The following BCAS3 variants were observed in gnomAD, a reference collection of about 807,000 sequenced individuals.
BCAS3 encodes the protein BCAS3 microtubule associated cell migration factor.
A neutral mutation model predicts 116.1 loss-of-function variants in BCAS3; 53 were observed. That is an observed-to-expected ratio of 0.46 (90% confidence interval 0.37 to 0.57). The LOEUF is 0.57. Ranked by LOEUF, BCAS3 falls within the 20% of genes least tolerant of loss-of-function variation. The pLI, the probability that BCAS3 is intolerant of heterozygous loss-of-function variation, is 0.00. For synonymous variants in BCAS3, 391 were observed against 408.2 expected (o/e 0.96, Z 0.51); for missense variants, 917 against 1,165.4 (o/e 0.79, Z 3.10).
At chr17:61,157,898 A>G (rs1306234094) in intron 22 of BCAS3, among the ~76,000 whole-genome samples, 1 of 152,188 alleles carries the variant, frequency 6.6e-6, no homozygotes, top group African/African-American at 2.4e-5. Flanking sequence ...TTTCTGTTTT[A>G]GATTGCAGCT....
chr17:61,307,457 G>A lies in BCAS3; in HGVS notation c.2426-60870G>A, dbSNP rs750109410. 1.8e-4 allele frequency among the ~76,000 whole-genome samples: 28 copies of A among 152,148 alleles called. No homozygotes were observed. The highest frequency in any genetic ancestry group is 3.1e-4 in the Non-Finnish European group (21 of 68,030). On this transcript the variant is annotated intron_variant, in intron 22 of 23. Coordinates refer to ENST00000407086, the MANE Select transcript of BCAS3 (RefSeq NM_017679.5). This position sits in a 1 kb window ranked among gnomAD's most constrained non-coding sequence, Gnocchi z 4.7. ...CCATTGCATTTACTACAGTTACAACGATAATAAATGTTGAATTAACTTTCA... is the reference window on the plus strand; with the variant it reads ...CCATTGCATTTACTACAGTTACAACAATAATAAATGTTGAATTAACTTTCA...
chr17:60,709,586 G>A (rs1169477369), intron 5 of BCAS3: 2 of 315,148 alleles, frequency 6.3e-6, no homozygotes, highest in Non-Finnish European at 1.2e-5. Flanking sequence ...GATGGGTTTT[G>A]CCATGTTGGC....
At chr17:61,050,607 A>C (rs1172846496) in intron 19 of BCAS3, among the ~76,000 whole-genome samples, 2 of 152,046 alleles carry the variant, frequency 1.3e-5, no homozygotes, top group East Asian at 3.8e-4. Flanking sequence ...CTAATATTCC[A>C]ACAAAGGAAA....
intron 5 of BCAS3, among the ~76,000 whole-genome samples, chr17:60,731,962 A>C (rs1467901363): frequency 1.3e-5 from 2 of 151,842 alleles, no homozygotes; most frequent in Non-Finnish European, 1.5e-5. Context: ...TTTAGTAGAG[A>C]TGGGGTTTCG....
intron 22 of BCAS3, among the ~76,000 whole-genome samples, chr17:61,102,719 T>C (rs528793894): frequency 5.3e-5 from 8 of 152,248 alleles, no homozygotes; most frequent in African/African-American, 1.9e-4. Flanking sequence ...TACATGACCT[T>C]GAGTTTCTTT....
rs1188929124 is a variant in BCAS3, at chr17:61,347,080, C to A, written c.2426-21247C>A. 6.6e-6 allele frequency among the ~76,000 whole-genome samples: 1 copy of A among 152,096 alleles called. No individual in the cohort carries two copies. Among genetic ancestry groups the A allele is most frequent in the Non-Finnish European group, 1.5e-5 (1 of 68,022 alleles). On this transcript the variant is annotated intron_variant, in intron 22 of 23. Coordinates refer to ENST00000407086, the MANE Select transcript of BCAS3 (RefSeq NM_017679.5). This position sits in a 1 kb window ranked among gnomAD's most constrained non-coding sequence, Gnocchi z 4.3. The stretch of plus-strand genomic sequence containing the variant: ...TCTAAATATTGGATTTTTGTTTTAA[C>A]AAATTTTTTTTTAAGGCAGAGTCTT...
At chr17:60,679,185 A>G (rs1237131157) in intron 1 of BCAS3, among the ~76,000 whole-genome samples, 1 of 152,244 alleles carries the variant, frequency 6.6e-6, no homozygotes, top group Non-Finnish European at 1.5e-5. Context: ...AGATCGTGCC[A>G]CTGAACTCCA....
At chr17:60,901,988 A>G (rs937970623) in intron 10 of BCAS3, among the ~76,000 whole-genome samples, 4 of 152,232 alleles carry the variant, frequency 2.6e-5, no homozygotes, top group Non-Finnish European at 5.9e-5. Context: ...ATATCAAAGT[A>G]GTGATTCATT....
At chr17:60,786,453 T>C (rs1335265751) in intron 6 of BCAS3, among the ~76,000 whole-genome samples, 6 of 151,644 alleles carry the variant, frequency 4.0e-5, no homozygotes, top group Non-Finnish European at 8.8e-5. Context: ...GCCTGGGAGG[T>C]TGAGGCTACA....
chr17:61,174,399 T>C (rs1193669537), intron 22 of BCAS3, among the ~76,000 whole-genome samples: 1 of 152,236 alleles, frequency 6.6e-6, no homozygotes, highest in East Asian at 1.9e-4. Flanking sequence ...CTGCACATAA[T>C]TGAGATCATA....
chr17:60,779,507 T>C (rs1397671284), intron 6 of BCAS3, among the ~76,000 whole-genome samples: 1 of 150,538 alleles, frequency 6.6e-6, no homozygotes, highest in Non-Finnish European at 1.5e-5. Context: ...GTAGCTGGGA[T>C]TACAGGCATG....
At chr17:60,807,515 C>T (rs1045034463) in intron 6 of BCAS3, among the ~76,000 whole-genome samples, 9 of 152,146 alleles carry the variant, frequency 5.9e-5, no homozygotes, top group Non-Finnish European at 1.3e-4. Context: ...GCCATTGTGG[C>T]TCTCGCCTGT....
intron 6 of BCAS3, among the ~76,000 whole-genome samples, chr17:60,760,887 G>A (rs1382361259): frequency 1.3e-5 from 2 of 151,946 alleles, no homozygotes; most frequent in Non-Finnish European, 2.9e-5. Context: ...TGCCACAAAG[G>A]CTTTGCTCAT....
At chr17:60,968,182 G>GTT (rs2061759578) in intron 14 of BCAS3, among the ~76,000 whole-genome samples, 1 of 151,710 alleles carries the variant, frequency 6.6e-6, no homozygotes, top group African/African-American at 2.4e-5. Context: ...TGTCTACCTT[G>GTT]TTTTGATTTT....
At chr17:61,057,091 C>A (rs2069459564) in intron 19 of BCAS3, among the ~76,000 whole-genome samples, 1 of 152,102 alleles carries the variant, frequency 6.6e-6, no homozygotes, top group Non-Finnish European at 1.5e-5. Flanking sequence ...AAAATGTCTT[C>A]TTTATGGTAG....
chr17:61,001,634 AG>A (rs2064245185), intron 15 of BCAS3, among the ~76,000 whole-genome samples: 1 of 152,186 alleles, frequency 6.6e-6, no homozygotes, highest in Admixed American at 6.5e-5. Flanking sequence ...GTATATAAAT[AG>A]TATAAACATG....
At chr17:61,299,442 C>CAAAAAAA (rs538072648) in intron 22 of BCAS3, among the ~76,000 whole-genome samples, 2 of 57,158 alleles carry the variant, frequency 3.5e-5, no homozygotes, top group African/African-American at 6.0e-5. Flanking sequence ...GACTCCATCT[C>CAAAAAAA]AAAAAAAAAA....
Position 60,777,202 on chromosome 17 carries a change from CT to C in BCAS3, c.403+29926del, listed in dbSNP as rs1423401056. On this transcript the variant is annotated intron_variant, in intron 6 of 23. Transcript: ENST00000407086. ...AAAATGGCTGCAGAACTCTTGGTGT[CT>C]TTCCCATCACCACCTTATTCTCTTC... Among the ~76,000 whole-genome samples, 3 of 152,234 alleles carry C rather than the reference CT, an allele frequency of 2.0e-5. No homozygotes were observed. In the East Asian group the frequency reaches 5.8e-4, roughly 29 times the overall value.
rs1424330710 is a variant in BCAS3, at chr17:61,128,437, T to C, written c.2425+43873T>C. ...AGACAAATCACCCTGCAGTTATTGC[T>C]CAACAGAGTAATAATAATAGATTTG... On this transcript the variant is annotated intron_variant, in intron 22 of 23. Coordinates refer to ENST00000407086, the MANE Select transcript of BCAS3 (RefSeq NM_017679.5). This position sits in a 1 kb window ranked among gnomAD's most constrained non-coding sequence, Gnocchi z 4.1. The C allele has an allele frequency of 1.0e-6, 1 of 985,342 alleles. No homozygotes were observed. Among genetic ancestry groups the C allele is most frequent in the African/African-American group, 1.7e-5 (1 of 57,242 alleles). The allele number at this position is 985,342 out of a possible 1,614,324, so 61.0% of individuals were successfully genotyped here. A position where few individuals can be genotyped will look rare whatever the true frequency, so the allele number is the denominator to read the frequency against.
Sources: gnomAD v4.1 joint callset for allele counts (sites outside exome capture counted in the v4.1 genomes callset) on GRCh38, gnomAD v4.1.1 for gene constraint, Gnocchi (gnomAD v3.1) non-coding constraint, MANE v1.5 for transcripts, NCBI Gene and HGNC (gene_info 2026-07-23, HGNC 2026-07-21) for gene names.